The following HMHB1 variants were observed in gnomAD, a reference collection of about 807,000 sequenced individuals.
HMHB1 encodes histocompatibility minor HB-1.
HMHB1 carries 4 observed loss-of-function variants against 2.4 expected under a neutral mutation model. The observed-to-expected ratio is 1.65, with a 90% CI of 0.81 to 3.77. HMHB1 has a LOEUF of 3.77. Ranked by LOEUF, HMHB1 falls within the 30% of genes most tolerant of loss-of-function variation. HMHB1 has a pLI of 0.01. For synonymous variants in HMHB1, 22 were observed against 17.6 expected (o/e 1.25, Z -0.63); for missense variants, 57 against 44.2 (o/e 1.29, Z -0.82).
chr5:143,819,494 G>T (rs1759783495), intron 1 of HMHB1, among the ~76,000 whole-genome samples: 1 of 152,012 alleles, frequency 6.6e-6, no homozygotes, highest in African/African-American at 2.4e-5. Flanking sequence ...AATTAGCCAG[G>T]CACGGTGGCA....
Position 143,812,265 on chromosome 5 carries a change from G to C in HMHB1, c.-3G>C, listed in dbSNP as rs748541714. ...CTGCCACACCACAGTGGAGAAACCA[G>C]AACTGGAGGAGCAGCCAGAATGCAG... is the stretch of plus-strand genomic sequence containing the variant. On this transcript the variant is annotated 5_prime_UTR_variant, in exon 1 of 2. Transcript: ENST00000289448. 12 of 1,551,576 alleles carry C rather than the reference G, an allele frequency of 7.7e-6. No homozygotes were observed. In the African/African-American group the frequency reaches 1.5e-4, roughly 19 times the overall value.
At chr5:143,815,140 A>T (rs1759733089) in intron 1 of HMHB1, among the ~76,000 whole-genome samples, 1 of 152,210 alleles carries the variant, frequency 6.6e-6, no homozygotes, top group Non-Finnish European at 1.5e-5. Flanking sequence ...AAGTTCAGAG[A>T]CCTAAATTAC....
At chr5:143,817,403 C>A (rs978017502) in intron 1 of HMHB1, among the ~76,000 whole-genome samples, 2 of 152,128 alleles carry the variant, frequency 1.3e-5, no homozygotes, top group Non-Finnish European at 2.9e-5. Context: ...GATGGGGATC[C>A]AGTTTCATTC....
intron 1 of HMHB1, among the ~76,000 whole-genome samples, chr5:143,813,900 A>T (rs944409004): frequency 3.3e-5 from 5 of 152,222 alleles, no homozygotes; most frequent in African/African-American, 1.2e-4. Flanking sequence ...AACTCAGTGC[A>T]GAGGCAAATA....
Position 143,812,213 on chromosome 5 carries a change from G to A in HMHB1, c.-55G>A. 6.5e-7 allele frequency: 1 copy of A among 1,530,464 alleles called. No homozygotes were observed. The highest frequency in any genetic ancestry group is 8.9e-7 in the Non-Finnish European group (1 of 1,128,602). 94.8% of individuals were successfully genotyped at this position (1,530,464 alleles called of 1,614,324 possible). A position where few individuals can be genotyped will look rare whatever the true frequency, so the allele number is the denominator to read the frequency against. On this transcript the variant is annotated 5_prime_UTR_variant, in exon 1 of 2. Coordinates refer to ENST00000289448, the MANE Select transcript of HMHB1 (RefSeq NM_021182.3). ...GCCCCGCATCTCAGAAGCCGGGCAG[G>A]CCCTGAGCCTTCTGACCTCACATCC...
chr5:143,813,106 G>A (rs1042952360), intron 1 of HMHB1, among the ~76,000 whole-genome samples: 2 of 152,302 alleles, frequency 1.3e-5, no homozygotes, highest in African/African-American at 2.4e-5. Flanking sequence ...AGCCTGGACT[G>A]ATGAGGCCGG....
chr5:143,818,080 G>A (rs1012166730), intron 1 of HMHB1, among the ~76,000 whole-genome samples: 1 of 152,146 alleles, frequency 6.6e-6, no homozygotes, highest in Non-Finnish European at 1.5e-5. Context: ...ATTCTCTAAT[G>A]TGCAAAGAAG....
Position 143,817,274 on chromosome 5 carries a change from C to A in HMHB1, c.38-3206C>A, listed in dbSNP as rs184776915. On this transcript the variant is annotated intron_variant, in intron 1 of 1. Coordinates refer to ENST00000289448, the MANE Select transcript of HMHB1 (RefSeq NM_021182.3). ...CTTTTGGGTTCTTGGCCATGAAATC[C>A]TTGCCTAAGCCAATGTCTAGAAGGG... Among the ~76,000 whole-genome samples the A allele has an allele frequency of 2.3e-3, 351 of 152,232 alleles. 1 individual carries two copies. Among genetic ancestry groups the A allele is most frequent in the African/African-American group, 8.2e-3 (339 of 41,552 alleles).
chr5:143,819,351 T>C (rs1759781757), intron 1 of HMHB1, among the ~76,000 whole-genome samples: 1 of 152,212 alleles, frequency 6.6e-6, no homozygotes, highest in South Asian at 2.1e-4. Context: ...AAAAGTCTAC[T>C]ACAATATCCT....
At chr5:143,814,663 G>A (rs769228363) in intron 1 of HMHB1, among the ~76,000 whole-genome samples, 10 of 152,102 alleles carry the variant, frequency 6.6e-5, no homozygotes, top group South Asian at 6.2e-4. Context: ...ATCTTCAATC[G>A]TCTCTAATTA....
At chr5:143,813,368 A>C (rs1759713888) in intron 1 of HMHB1, among the ~76,000 whole-genome samples, 1 of 152,062 alleles carries the variant, frequency 6.6e-6, no homozygotes, top group Non-Finnish European at 1.5e-5. Context: ...TGGTGCCCTC[A>C]TAGTTTTACA....
intron 1 of HMHB1, among the ~76,000 whole-genome samples, chr5:143,819,896 A>G (rs1561937987): frequency 6.6e-6 from 1 of 152,158 alleles, no homozygotes. Flanking sequence ...ATCTCATTTC[A>G]CATAGGCTTG....
intron 1 of HMHB1, among the ~76,000 whole-genome samples, chr5:143,819,769 T>C (rs369709543): frequency 6.6e-5 from 10 of 152,182 alleles, no homozygotes; most frequent in African/African-American, 2.4e-4. Context: ...CCCAGAGTGA[T>C]GGCAATAGAA....
At position 143,820,489 on chromosome 5, in the gene HMHB1, A is replaced by G; in HGVS notation, c.47A>G (p.His16Arg). The G allele has an allele frequency of 1.2e-6, 2 of 1,607,604 alleles. No homozygotes were observed. Among genetic ancestry groups the G allele is most frequent in the Non-Finnish European group, 1.7e-6 (2 of 1,174,240 alleles). The change falls in exon 2 of 2, where the codon CAT becomes CGT. Residue 16 changes from histidine to arginine, a missense_variant. Coordinates refer to ENST00000289448, the MANE Select transcript of HMHB1 (RefSeq NM_021182.3). ...CCATTCTTTTCTATAGGTTCTCTGC[A>G]TGTTTGGAAGTCGGAATTGGTTGAA...
intron 1 of HMHB1, among the ~76,000 whole-genome samples, chr5:143,820,074 G>T (rs1759791096): frequency 6.6e-6 from 1 of 152,058 alleles, no homozygotes; most frequent in African/African-American, 2.4e-5. Flanking sequence ...ATGTATACAT[G>T]ATTTTATTTC....
chr5:143,813,498 G>A (rs1414542284), intron 1 of HMHB1, among the ~76,000 whole-genome samples: 1 of 152,160 alleles, frequency 6.6e-6, no homozygotes, highest in Non-Finnish European at 1.5e-5. Context: ...CACAGTAAAA[G>A]CTGTCAATAA....
intron 1 of HMHB1, among the ~76,000 whole-genome samples, chr5:143,814,256 T>C (rs1759724178): frequency 1.3e-5 from 2 of 152,356 alleles, no homozygotes; most frequent in Admixed American, 6.5e-5. Context: ...TATTTGTTAC[T>C]TATATTTTTT....
chr5:143,812,421 G>C (rs1759702582), intron 1 of HMHB1, 117 bp downstream of exon 1: 1 of 965,724 alleles, frequency 1.0e-6, no homozygotes, highest in South Asian at 1.5e-5. Context: ...GTGAAAACAG[G>C]GATGGCGGAA....
intron 1 of HMHB1, among the ~76,000 whole-genome samples, 162 bp from the exon 2 acceptor site, chr5:143,820,318 T>TTAAAAAAA (rs1224094703): frequency 2.1e-5 from 1 of 47,578 alleles, no homozygotes; most frequent in African/African-American, 7.0e-5. Context: ...TCATCATAAG[T>TTAAAAAAA]AAAAAAAAAA....
Sources: allele counts gnomAD v4.1 joint callset (sites outside exome capture counted in the v4.1 genomes callset), GRCh38; gene constraint gnomAD v4.1.1; transcripts MANE v1.5; gene names NCBI Gene and HGNC (gene_info 2026-07-23, HGNC 2026-07-21).